The following ZPBP variants were observed in gnomAD, a reference collection of about 807,000 sequenced individuals.
The protein encoded by ZPBP is zona pellucida binding protein.
A neutral mutation model predicts 44.8 loss-of-function variants in ZPBP; 26 were observed. The ratio of observed to expected loss-of-function variants is 0.58; its 90% CI spans 0.43 to 0.81. ZPBP has a LOEUF of 0.81. ZPBP is among the 30% of genes least tolerant of loss of function. ZPBP has a pLI of 0.00. For synonymous variants in ZPBP, 174 were observed against 153.2 expected (o/e 1.14, Z -1.00); for missense variants, 409 against 434.0 (o/e 0.94, Z 0.51).
intron 7 of ZPBP, among the ~76,000 whole-genome samples, chr7:49,957,897 A>G (rs1045862040): frequency 2.6e-5 from 4 of 152,208 alleles, no homozygotes; most frequent in African/African-American, 9.6e-5. Flanking sequence ...TGTTTGAGCT[A>G]TGACCAACAA....
At chr7:50,014,537 T>A (rs1798734183) in intron 6 of ZPBP, among the ~76,000 whole-genome samples, 1 of 150,432 alleles carries the variant, frequency 6.6e-6, no homozygotes, top group Admixed American at 6.7e-5. Context: ...TGATCTTGGC[T>A]CACTGCAACC....
chr7:49,899,281 A>G (rs1792576346), intron 2 of ZPBP, among the ~76,000 whole-genome samples: 1 of 152,070 alleles, frequency 6.6e-6, no homozygotes, highest in African/African-American at 2.4e-5. Context: ...GTACCAGGAA[A>G]GATGGCATGG....
At chr7:50,080,571 TA>T (rs1226174445) in intron 3 of ZPBP, among the ~76,000 whole-genome samples, 2 of 151,634 alleles carry the variant, frequency 1.3e-5, no homozygotes, top group African/African-American at 4.8e-5. Context: ...AAAATGACAA[TA>T]AAAAATTCAA....
chr7:49,979,964 T>C (rs1364704999), intron 7 of ZPBP, among the ~76,000 whole-genome samples: 1 of 109,636 alleles, frequency 9.1e-6, no homozygotes, highest in Non-Finnish European at 1.7e-5. Flanking sequence ...AATATATTTA[T>C]ATTATATATT....
intron 7 of ZPBP, among the ~76,000 whole-genome samples, chr7:49,945,495 C>T (rs551594777): frequency 1.3e-5 from 2 of 152,164 alleles, no homozygotes; most frequent in South Asian, 4.1e-4. Flanking sequence ...CTCTTTAGCT[C>T]TAATAATATG....
At position 49,884,043 on chromosome 7, in the gene ZPBP, A is replaced by G. The variant is rs182413467; in HGVS notation, n.509+17075T>C. 1.8e-3 allele frequency among the ~76,000 whole-genome samples: 268 copies of G among 152,344 alleles called. 3 individuals carry two copies. The highest frequency in any genetic ancestry group is 6.0e-3 in the African/African-American group (251 of 41,598). ...CCAGCCAAGGTAGGAGGCAACTCCC[A>G]GGACCTTGGGGCATCACACACTTCA... is the stretch of plus-strand genomic sequence containing the variant. On this transcript the variant is annotated intron_variant and non_coding_transcript_variant, in intron 2 of 2. Transcript: ENST00000465922.
chr7:49,948,190 C>T (rs1795184164), intron 7 of ZPBP, among the ~76,000 whole-genome samples: 1 of 152,200 alleles, frequency 6.6e-6, no homozygotes, highest in Non-Finnish European at 1.5e-5. Context: ...TGCTCTACTC[C>T]ACAAAGCTGG....
chr7:49,999,223 T>C (rs1797989915), intron 6 of ZPBP, among the ~76,000 whole-genome samples: 1 of 150,166 alleles, frequency 6.7e-6, no homozygotes, highest in African/African-American at 2.5e-5. Flanking sequence ...TATATATATA[T>C]ATATGCATGT....
chr7:49,945,990 T>G (rs1795089298), intron 7 of ZPBP, among the ~76,000 whole-genome samples: 1 of 152,116 alleles, frequency 6.6e-6, no homozygotes, highest in East Asian at 1.9e-4. Flanking sequence ...GTTTTTTGAT[T>G]TGTGGTTACC....
intron 7 of ZPBP, among the ~76,000 whole-genome samples, chr7:49,952,709 CTTT>C (rs1795400037): frequency 1.3e-5 from 2 of 151,888 alleles, no homozygotes; most frequent in Non-Finnish European, 2.9e-5. Flanking sequence ...AAGAAACTAT[CTTT>C]CGAAACTAAG....
intron 2 of ZPBP, among the ~76,000 whole-genome samples, chr7:49,858,690 C>T (rs1417810649): frequency 6.6e-6 from 1 of 150,736 alleles, no homozygotes; most frequent in African/African-American, 2.5e-5. Flanking sequence ...TACCCTAAAA[C>T]TTAAAGTATA....
At chr7:50,037,068 G>A (rs938837605) in intron 4 of ZPBP, among the ~76,000 whole-genome samples, 1 of 152,028 alleles carries the variant, frequency 6.6e-6, no homozygotes, top group Non-Finnish European at 1.5e-5. Flanking sequence ...TGGAGAGTTG[G>A]ATTAAAACTA....
At chr7:49,888,400 T>G (rs948195598) in intron 2 of ZPBP, among the ~76,000 whole-genome samples, 7 of 152,238 alleles carry the variant, frequency 4.6e-5, no homozygotes, top group Admixed American at 2.6e-4. Context: ...AGGTATGGTA[T>G]AGAGCTACAA....
At chr7:49,962,777 G>A (rs1795908576) in intron 7 of ZPBP, among the ~76,000 whole-genome samples, 2 of 151,734 alleles carry the variant, frequency 1.3e-5, no homozygotes, top group African/African-American at 4.8e-5. Context: ...AGTTTAGCAA[G>A]GCCACAAGAT....
chr7:49,942,079 A>T (rs1226052265), intron 7 of ZPBP, among the ~76,000 whole-genome samples: 1 of 152,166 alleles, frequency 6.6e-6, no homozygotes, highest in Non-Finnish European at 1.5e-5. Flanking sequence ...ATGAAGTTGG[A>T]TTCTTAGACC....
At chr7:49,926,181 C>T (rs1478639578) in intron 1 of ZPBP, among the ~76,000 whole-genome samples, 4 of 152,182 alleles carry the variant, frequency 2.6e-5, no homozygotes, top group African/African-American at 4.8e-5. Context: ...AGGTGTTTAG[C>T]GATGCTGGTG....
the ZPBP span, among the ~76,000 whole-genome samples, chr7:49,840,687 G>C: frequency 6.6e-6 from 1 of 152,258 alleles, no homozygotes; most frequent in African/African-American, 2.4e-5. Flanking sequence ...CTTCAGTGCA[G>C]CTTCAAAAGC....
At chr7:50,037,179 G>C (rs955179928) in intron 4 of ZPBP, among the ~76,000 whole-genome samples, 2 of 152,184 alleles carry the variant, frequency 1.3e-5, no homozygotes, top group Non-Finnish European at 2.9e-5. Flanking sequence ...AAAAATAACT[G>C]TGGGAGACAG....
At chr7:49,902,771 T>C (rs1792839164) in intron 1 of ZPBP, among the ~76,000 whole-genome samples, 1 of 152,106 alleles carries the variant, frequency 6.6e-6, no homozygotes, top group Non-Finnish European at 1.5e-5. Flanking sequence ...CGCATTGAAA[T>C]ATAAAATTTT....
Sources: allele counts gnomAD v4.1 joint callset (sites outside exome capture counted in the v4.1 genomes callset), GRCh38; gene constraint gnomAD v4.1.1; transcripts MANE v1.5; gene names NCBI Gene and HGNC (gene_info 2026-07-23, HGNC 2026-07-21).